The following KIAA1328 variants were observed in gnomAD, a reference collection of about 807,000 sequenced individuals.
The protein encoded by KIAA1328 is KIAA1328.
In KIAA1328, 52 loss-of-function variants were observed where a neutral mutation model predicts 68.1. The ratio of observed to expected loss-of-function variants is 0.76; its 90% CI spans 0.61 to 0.96. KIAA1328 has a LOEUF of 0.96. KIAA1328 is among the 40% of genes least tolerant of loss of function. The pLI is 0.00. For missense variants in KIAA1328, 641 were observed against 677.6 expected, an observed-to-expected ratio of 0.95 and a Z score of 0.60; for synonymous variants, 232 against 239.4, an observed-to-expected ratio of 0.97 and a Z score of 0.28.
intron 4 of KIAA1328, among the ~76,000 whole-genome samples, chr18:36,876,338 G>A (rs566300363): frequency 4.4e-4 from 67 of 152,196 alleles, no homozygotes; most frequent in African/African-American, 1.5e-3. Flanking sequence ...ATTAATTACT[G>A]CCTCAATTTC....
intron 4 of KIAA1328, among the ~76,000 whole-genome samples, chr18:36,874,470 A>G (rs2048053584): frequency 6.6e-6 from 1 of 152,206 alleles, no homozygotes. Flanking sequence ...TTTGCTGGCC[A>G]CATAAATGTC....
chr18:36,845,305 A>T (rs2046990483), intron 4 of KIAA1328, among the ~76,000 whole-genome samples: 1 of 151,686 alleles, frequency 6.6e-6, no homozygotes, highest in Non-Finnish European at 1.5e-5. Flanking sequence ...GTGTTCTTTT[A>T]TTGGGAAAAC....
intron 1 of KIAA1328, among the ~76,000 whole-genome samples, chr18:36,831,838 ATC>A (rs1236636930): frequency 3.3e-5 from 5 of 152,174 alleles, no homozygotes; most frequent in Non-Finnish European, 1.5e-5. Flanking sequence ...ATAGAGGTGC[ATC>A]TTCCTCTCTA....
chr18:37,015,736 A>G (rs1468085110), intron 6 of KIAA1328, among the ~76,000 whole-genome samples: 1 of 152,042 alleles, frequency 6.6e-6, no homozygotes, highest in East Asian at 1.9e-4. Context: ...ATGTATTCCT[A>G]GGTATCTTTT....
At chr18:37,108,587 A>C (rs1215237676) in intron 7 of KIAA1328, among the ~76,000 whole-genome samples, 3 of 152,222 alleles carry the variant, frequency 2.0e-5, no homozygotes, top group South Asian at 4.1e-4. Context: ...TTATTAAATC[A>C]ACTTACGCAT....
At chr18:36,949,783 GT>G (rs1330096441) in intron 5 of KIAA1328, among the ~76,000 whole-genome samples, 1 of 152,080 alleles carries the variant, frequency 6.6e-6, no homozygotes, top group African/African-American at 2.4e-5. Flanking sequence ...CTTGAGTCTT[GT>G]TTCCATCTTT....
chr18:37,159,868 T>C (rs533509717), intron 7 of KIAA1328, among the ~76,000 whole-genome samples: 2 of 152,336 alleles, frequency 1.3e-5, no homozygotes, highest in East Asian at 3.9e-4. Flanking sequence ...ATCTTAGATA[T>C]GCAAGTCCTG....
At chr18:37,183,652 A>G (rs1028673308) in intron 9 of KIAA1328, among the ~76,000 whole-genome samples, 4 of 152,244 alleles carry the variant, frequency 2.6e-5, no homozygotes, top group African/African-American at 9.6e-5. Context: ...CTGCAGTGAA[A>G]AAACTAAGAA....
intron 9 of KIAA1328, among the ~76,000 whole-genome samples, chr18:37,207,293 A>G (rs2060233743): frequency 1.3e-5 from 2 of 152,140 alleles, no homozygotes; most frequent in Admixed American, 6.5e-5. Context: ...ATTTCAAAAG[A>G]TCCCCATTTT....
intron 6 of KIAA1328, among the ~76,000 whole-genome samples, chr18:37,026,581 A>C (rs1350903678): frequency 6.6e-6 from 1 of 152,208 alleles, no homozygotes; most frequent in Admixed American, 6.5e-5. Flanking sequence ...ATGCAAATCA[A>C]TAAATGTAAT....
chr18:37,210,039 T>C (rs993185618), intron 9 of KIAA1328, among the ~76,000 whole-genome samples: 2 of 152,070 alleles, frequency 1.3e-5, no homozygotes, highest in Non-Finnish European at 2.9e-5. Flanking sequence ...AATCAGGAGA[T>C]GTCTACTGAA....
rs201864375 is a variant in KIAA1328, at chr18:37,067,461, G to T, written c.1148G>T (p.Arg383Leu). 1.9e-6 allele frequency: 3 copies of T among 1,567,980 alleles called. No individual in the cohort carries two copies. The highest frequency in any genetic ancestry group is 2.6e-6 in the Non-Finnish European group (3 of 1,157,410). ...QKMELEIEKE[R>L]LQHLLAQQET... ...ATGGAACTGGAAATTGAAAAGGAGC[G>T]CCTTCAGCATCTGCTGGCCCAGCAG... Residue 383 changes from arginine (R) to leucine (L), a missense_variant, in exon 7 of 10, where the codon CGC becomes CTC. Physicochemically the swap from Arg to Leu is moderately radical, Grantham distance 102 (BLOSUM62 -2). Transcript: ENST00000280020.
chr18:37,008,490 A>G (rs1304199456), intron 6 of KIAA1328, among the ~76,000 whole-genome samples: 1 of 152,240 alleles, frequency 6.6e-6, no homozygotes, highest in South Asian at 2.1e-4. Context: ...TGTCCAGGAT[A>G]TAATTCAAAA....
At chr18:37,102,164 G>C (rs1386783349) in intron 7 of KIAA1328, among the ~76,000 whole-genome samples, 1 of 152,198 alleles carries the variant, frequency 6.6e-6, no homozygotes, top group Non-Finnish European at 1.5e-5. Flanking sequence ...CCATGATCAA[G>C]TGGGGTTTAT....
chr18:37,025,956 A>G (rs2054559233), intron 6 of KIAA1328, among the ~76,000 whole-genome samples: 1 of 152,198 alleles, frequency 6.6e-6, no homozygotes, highest in East Asian at 1.9e-4. Context: ...GAAACAGTCA[A>G]CAAAATTCAT....
At chr18:36,854,816 A>G (rs975586018) in intron 4 of KIAA1328, among the ~76,000 whole-genome samples, 6 of 152,110 alleles carry the variant, frequency 3.9e-5, no homozygotes, top group African/African-American at 1.4e-4. Flanking sequence ...TAATAAATAA[A>G]CGGTATTTAT....
At chr18:36,853,164 AC>A (rs1260001035) in intron 4 of KIAA1328, among the ~76,000 whole-genome samples, 12 of 152,052 alleles carry the variant, frequency 7.9e-5, no homozygotes, top group Admixed American at 7.9e-4. Flanking sequence ...TTAACTTTCA[AC>A]CTTTGTGTCT....
chr18:37,067,645 C>T (rs1293029551), intron 7 of KIAA1328, 100 bp downstream of exon 7: 2 of 1,254,326 alleles, frequency 1.6e-6, no homozygotes, highest in African/African-American at 3.0e-5. Context: ...ACTGCAGCCT[C>T]CGCCTCCCGA....
At chr18:37,037,942 G>C (rs1352620321) in intron 6 of KIAA1328, among the ~76,000 whole-genome samples, 2 of 151,842 alleles carry the variant, frequency 1.3e-5, no homozygotes, top group Non-Finnish European at 2.9e-5. Flanking sequence ...TCTACTAAAA[G>C]TACAAAAAAT....
Sources: gnomAD v4.1 joint callset for allele counts (sites outside exome capture counted in the v4.1 genomes callset) on GRCh38, gnomAD v4.1.1 for gene constraint, MANE v1.5 for transcripts, NCBI Gene and HGNC (gene_info 2026-07-23, HGNC 2026-07-21) for gene names.